The following CNTNAP5 variants were observed in gnomAD, a reference collection of about 807,000 sequenced individuals.
CNTNAP5 encodes contactin-associated protein-like 5.
A neutral mutation model predicts 150.2 loss-of-function variants in CNTNAP5; 72 were observed. The observed-to-expected ratio is 0.48, with a 90% confidence interval of 0.40 to 0.58. CNTNAP5 has a LOEUF of 0.58. CNTNAP5 is among the 20% of genes least tolerant of loss of function. The pLI is 0.00. For missense variants in CNTNAP5, 1,636 were observed against 1,626.2 expected (o/e 1.01, Z -0.10); for synonymous variants, 672 against 619.8 (o/e 1.08, Z -1.25).
intron 1 of CNTNAP5, among the ~76,000 whole-genome samples, chr2:124,076,781 T>C (rs1288139350): frequency 6.6e-6 from 1 of 152,114 alleles, no homozygotes; most frequent in African/African-American, 2.4e-5. Flanking sequence ...AAGACAGTGG[T>C]CAAATTGGCA....
chr2:124,183,799 G>A (rs1685264964), intron 1 of CNTNAP5, among the ~76,000 whole-genome samples: 1 of 152,150 alleles, frequency 6.6e-6, no homozygotes, highest in South Asian at 2.1e-4. Context: ...GAAAGATAAC[G>A]TCCACCCACT....
In CNTNAP5 at chr2:124,557,253, C is replaced by T. The variant is rs1344581991; in HGVS notation, c.1650-5964C>T. The stretch of plus-strand genomic sequence containing the variant: ...TCTCCACTCAGAGAAACCTGAGTTT[C>T]TCTTCCCTCTCTCAATTGCTCCTTG... On this transcript the variant is annotated intron_variant, in intron 10 of 23. Transcript: ENST00000682447. Among the ~76,000 whole-genome samples, 35 of 140,972 alleles carry T rather than the reference C, an allele frequency of 2.5e-4. 1 individual carries two copies. The highest frequency in any genetic ancestry group is 5.4e-4 in the Non-Finnish European group (35 of 65,210). The allele number at this position is 140,972 out of a possible 152,430, so 92.5% of individuals were successfully genotyped here. A position where few individuals can be genotyped will look rare whatever the true frequency, so the allele number is the denominator to read the frequency against.
chr2:124,159,435 A>G (rs938002721), intron 1 of CNTNAP5, among the ~76,000 whole-genome samples: 3 of 152,230 alleles, frequency 2.0e-5, no homozygotes, highest in South Asian at 4.1e-4. Flanking sequence ...CTGTGTTCCA[A>G]TAAAATTTTA....
intron 7 of CNTNAP5, among the ~76,000 whole-genome samples, chr2:124,485,534 AC>A (rs1166048623): frequency 1.4e-5 from 2 of 141,426 alleles, no homozygotes; most frequent in Non-Finnish European, 3.0e-5. Context: ...AATAGCATGA[AC>A]CCGGGAGGCG....
intron 1 of CNTNAP5, among the ~76,000 whole-genome samples, chr2:124,177,022 A>G (rs1039494407): frequency 6.6e-6 from 1 of 150,584 alleles, no homozygotes; most frequent in African/African-American, 2.4e-5. Context: ...ATTTTTTTTT[A>G]TTTCTAGTAG....
intron 13 of CNTNAP5, among the ~76,000 whole-genome samples, chr2:124,707,165 G>T (rs1259994886): frequency 2.1e-5 from 3 of 141,990 alleles, no homozygotes; most frequent in African/African-American, 5.1e-5. Context: ...AGAAGAAGAA[G>T]AAGAAGAAGA....
intron 12 of CNTNAP5, among the ~76,000 whole-genome samples, chr2:124,626,814 A>C (rs1237497799): frequency 6.6e-6 from 1 of 152,090 alleles, no homozygotes; most frequent in East Asian, 1.9e-4. Flanking sequence ...CTAGCTTGAA[A>C]TCCCCGCTGC....
At chr2:124,547,140 A>G (rs897939409) in intron 10 of CNTNAP5, among the ~76,000 whole-genome samples, 2 of 152,114 alleles carry the variant, frequency 1.3e-5, no homozygotes, top group Admixed American at 6.6e-5. Flanking sequence ...CCTCAATGCT[A>G]GCAATGGTGG....
In CNTNAP5 at chr2:124,504,399, C is replaced by A; in HGVS notation, c.1170C>A (p.Leu390=). 1 of 1,613,932 alleles carries A rather than the reference C, an allele frequency of 6.2e-7. No individual in the cohort carries two copies. Among genetic ancestry groups the A allele is most frequent in the Non-Finnish European group, 8.5e-7 (1 of 1,179,874 alleles). ...LLPGTPQIDG[L]SVSFQFRTWN... is the part of the protein sequence containing the mutation. Reference sequence around the variant, plus strand: ...CCGGCACCCCCCAAATTGATGGGCTCTCAGTGAGTTTCCAGTTTCGAACAT... The same window carrying A: ...CCGGCACCCCCCAAATTGATGGGCTATCAGTGAGTTTCCAGTTTCGAACAT... Residue 390 remains leucine, a synonymous_variant, in exon 8 of 24, where the codon CTC becomes CTA. Transcript: ENST00000682447.
At chr2:124,729,977 G>A (rs1164070726) in intron 13 of CNTNAP5, among the ~76,000 whole-genome samples, 1 of 152,070 alleles carries the variant, frequency 6.6e-6, no homozygotes, top group African/African-American at 2.4e-5. Flanking sequence ...ATCCTAGAAG[G>A]CAGCCTCTGT....
intron 19 of CNTNAP5, among the ~76,000 whole-genome samples, chr2:124,817,072 G>T (rs1036949930): frequency 1.5e-4 from 23 of 152,220 alleles, no homozygotes; most frequent in Non-Finnish European, 3.2e-4. Context: ...TCATATATTT[G>T]CTGTAAGCAG....
rs1229644725 is a variant in CNTNAP5, at chr2:124,342,109, A to C, written c.382-75334A>C. 5.3e-5 allele frequency among the ~76,000 whole-genome samples: 8 copies of C among 152,156 alleles called. No homozygotes were observed. The South Asian group carries it at 1.0e-3, about 20-fold the overall frequency. The stretch of plus-strand genomic sequence containing the variant: ...TGGGTATATTATAGTTTTCTTCTGA[A>C]ACATGTGTTTTCTCTCTTCAGTCAC... On this transcript the variant is annotated intron_variant, in intron 3 of 23. Coordinates refer to ENST00000682447, the MANE Select transcript of CNTNAP5 (RefSeq NM_001367498.1).
At chr2:124,063,459 T>C (rs887629975) in intron 1 of CNTNAP5, among the ~76,000 whole-genome samples, 3 of 152,144 alleles carry the variant, frequency 2.0e-5, no homozygotes, top group African/African-American at 7.2e-5. Flanking sequence ...TTCTCATGCT[T>C]AGGAATGCCA....
rs138462192 is a variant in CNTNAP5 at position 124,680,287 on chromosome 2, A to G, written c.2077+32329A>G. 2.6e-3 allele frequency among the ~76,000 whole-genome samples: 393 copies of G among 151,874 alleles called. 4 individuals carry two copies. Among genetic ancestry groups the G allele is most frequent in the African/African-American group, 8.8e-3 (366 of 41,508 alleles). On this transcript the variant is annotated intron_variant, in intron 13 of 23. Transcript: ENST00000682447. ...TCCATGGTATTCAGTACTTTTCTTT[A>G]CAGAGACATTAGCATAACCCTCTGC...
At chr2:124,251,292 A>AC (rs71394030) in intron 3 of CNTNAP5, among the ~76,000 whole-genome samples, 41,854 of 150,082 alleles carry the variant, frequency 0.28, 6,108 homozygotes, top group South Asian at 0.5. Flanking sequence ...GTTTTCCCCC[A>AC]CCCCCCCAAG....
At chr2:124,764,302 G>A (rs1412905215) in intron 16 of CNTNAP5, among the ~76,000 whole-genome samples, 155 bp downstream of exon 16, 2 of 152,046 alleles carry the variant, frequency 1.3e-5, no homozygotes, top group Non-Finnish European at 2.9e-5. Context: ...TCCTTCTGAT[G>A]CTTTATGATT....
chr2:124,813,776 A>G (rs1682290596), intron 19 of CNTNAP5, among the ~76,000 whole-genome samples: 1 of 151,886 alleles, frequency 6.6e-6, no homozygotes, highest in Non-Finnish European at 1.5e-5. Flanking sequence ...TCTGGAGTCC[A>G]TCAAACACCA....
intron 1 of CNTNAP5, among the ~76,000 whole-genome samples, chr2:124,126,620 A>G (rs1573773534): frequency 6.6e-6 from 1 of 152,236 alleles, no homozygotes; most frequent in Non-Finnish European, 1.5e-5. Context: ...AGAGAATTTT[A>G]GTCCAATATC....
intron 19 of CNTNAP5, among the ~76,000 whole-genome samples, chr2:124,815,345 CA>C (rs1682339362): frequency 6.6e-6 from 1 of 152,180 alleles, no homozygotes; most frequent in African/African-American, 2.4e-5. Context: ...TTTGTGCCGG[CA>C]GTTTAATTTT....
Sources: gnomAD v4.1 joint callset for allele counts (sites outside exome capture counted in the v4.1 genomes callset) on GRCh38, gnomAD v4.1.1 for gene constraint, MANE v1.5 for transcripts, NCBI Gene and HGNC (gene_info 2026-07-23, HGNC 2026-07-21) for gene names.